ANKS1B: variants seen among roughly 807,000 people sequenced by gnomAD.
ANKS1B encodes the protein ankyrin repeat and sterile alpha motif domain-containing protein 1B.
A neutral mutation model predicts 148.3 loss-of-function variants in ANKS1B; 36 were observed. The observed-to-expected ratio is 0.24, with a 90% CI of 0.19 to 0.32. The LOEUF is 0.32. ANKS1B is among the 10% of genes least tolerant of loss of function. ANKS1B has a pLI of 1.00. For synonymous variants in ANKS1B, 542 were observed against 560.8 expected (o/e 0.97, Z 0.47); for missense variants, 1,157 against 1,542.6 (o/e 0.75, Z 4.19).
intron 17 of ANKS1B, among the ~76,000 whole-genome samples, chr12:99,033,305 A>T (rs1375204138): frequency 1.3e-5 from 2 of 152,226 alleles, no homozygotes; most frequent in Admixed American, 6.5e-5. Context: ...AGTAATCATT[A>T]TGCACTTTTA....
rs376900802 is a variant in ANKS1B at position 99,765,629 on chromosome 12, C to T, written c.1128+7293G>A. On this transcript the variant is annotated intron_variant, in intron 8 of 26. Coordinates refer to ENST00000683438, the MANE Select transcript of ANKS1B (RefSeq NM_001352186.2). ...CTATTCCTCCCTAACTTCTACAAAG[C>T]TGATTAGAATACATATGGCTTTTTC... Among the ~76,000 whole-genome samples, 37 of 152,234 alleles carry T rather than the reference C, an allele frequency of 2.4e-4. No homozygotes were observed. The South Asian group carries it at 7.7e-3, about 32-fold the overall frequency.
At chr12:99,433,142 T>C (rs2095406695) in intron 11 of ANKS1B, among the ~76,000 whole-genome samples, 1 of 152,284 alleles carries the variant, frequency 6.6e-6, no homozygotes, top group South Asian at 2.1e-4. Flanking sequence ...ATTCAAGATA[T>C]ATTTTTAAAG....
intron 17 of ANKS1B, among the ~76,000 whole-genome samples, chr12:98,859,858 C>G (rs1443043434): frequency 6.6e-6 from 1 of 152,288 alleles, no homozygotes; most frequent in East Asian, 1.9e-4. Flanking sequence ...ATATTTGAGT[C>G]AATACACTGA....
At chr12:99,082,518 T>C (rs2050159009) in intron 16 of ANKS1B, among the ~76,000 whole-genome samples, 1 of 152,114 alleles carries the variant, frequency 6.6e-6, no homozygotes, top group South Asian at 2.1e-4. Flanking sequence ...CTGATTTATA[T>C]TTTAGAAGGA....
chr12:99,716,671 C>CCTGA (rs1349307200), intron 8 of ANKS1B, among the ~76,000 whole-genome samples: 1 of 152,116 alleles, frequency 6.6e-6, no homozygotes, highest in African/African-American at 2.4e-5. Flanking sequence ...GTCTGAGGTG[C>CCTGA]CTGACATCCA....
At chr12:98,933,352 T>A (rs2099815455) in intron 17 of ANKS1B, among the ~76,000 whole-genome samples, 1 of 152,184 alleles carries the variant, frequency 6.6e-6, no homozygotes, top group African/African-American at 2.4e-5. Flanking sequence ...AGTATTCCAT[T>A]GTATGCAACT....
At chr12:98,875,914 C>CA (rs11398232) in intron 17 of ANKS1B, among the ~76,000 whole-genome samples, 152,272 of 152,272 alleles carry the variant, frequency 1, 76,136 homozygotes, top group Non-Finnish European at 1. Context: ...CTGGGGTGTG[C>CA]ACCTGTTGGC....
chr12:99,527,118 C>T (rs1182414382), intron 9 of ANKS1B, among the ~76,000 whole-genome samples: 3 of 152,058 alleles, frequency 2.0e-5, no homozygotes, highest in Non-Finnish European at 4.4e-5. Context: ...AACTTCTAGC[C>T]TTTAGAACTG....
At chr12:99,724,720 C>T (rs763605278) in intron 8 of ANKS1B, among the ~76,000 whole-genome samples, 1 of 151,600 alleles carries the variant, frequency 6.6e-6, no homozygotes, top group Admixed American at 6.6e-5. Flanking sequence ...TCTCCAAGGT[C>T]GAAAGGAAGG....
At chr12:99,680,683 AG>A (rs1399517376) in intron 8 of ANKS1B, among the ~76,000 whole-genome samples, 1 of 152,206 alleles carries the variant, frequency 6.6e-6, no homozygotes, top group Non-Finnish European at 1.5e-5. Context: ...TGCGGCAGGC[AG>A]GGAGGGGTGA....
chr12:99,411,962 T>C (rs1462751016), intron 11 of ANKS1B, among the ~76,000 whole-genome samples: 1 of 152,252 alleles, frequency 6.6e-6, no homozygotes, highest in African/African-American at 2.4e-5. Context: ...GGTCAGGCGC[T>C]GTTGTAGCCT....
chr12:99,815,105 C>T (rs781532183), intron 2 of ANKS1B, among the ~76,000 whole-genome samples: 4 of 151,510 alleles, frequency 2.6e-5, no homozygotes, highest in Non-Finnish European at 4.4e-5. Context: ...GGGGTAAAGA[C>T]GAAAAAAAGA....
At chr12:99,305,991 T>C (rs2082288656) in intron 12 of ANKS1B, among the ~76,000 whole-genome samples, 1 of 152,094 alleles carries the variant, frequency 6.6e-6, no homozygotes, top group Non-Finnish European at 1.5e-5. Context: ...TAACTACACT[T>C]TGGGGGATGC....
chr12:98,996,111 G>A (rs555318768), intron 17 of ANKS1B, among the ~76,000 whole-genome samples: 8 of 152,226 alleles, frequency 5.3e-5, no homozygotes, highest in African/African-American at 1.9e-4. Context: ...ATATTCAGAA[G>A]AATTTTGACT....
chr12:98,905,477 C>A (rs1420244632), intron 17 of ANKS1B, among the ~76,000 whole-genome samples: 2 of 152,138 alleles, frequency 1.3e-5, no homozygotes, highest in East Asian at 1.9e-4. Context: ...GGATGGTTAA[C>A]CCTCTCTCAG....
At chr12:99,430,883 T>C (rs2095358336) in intron 11 of ANKS1B, among the ~76,000 whole-genome samples, 1 of 152,190 alleles carries the variant, frequency 6.6e-6, no homozygotes, top group African/African-American at 2.4e-5. Context: ...CTCATGATGA[T>C]AATAAAAAGT....
At chr12:99,704,658 A>G (rs1390894203) in intron 8 of ANKS1B, among the ~76,000 whole-genome samples, 2 of 152,086 alleles carry the variant, frequency 1.3e-5, no homozygotes, top group South Asian at 2.1e-4. Flanking sequence ...GCTCCCTTGC[A>G]TCACAAAATG....
intron 1 of ANKS1B, among the ~76,000 whole-genome samples, chr12:99,831,713 T>C (rs888173442): frequency 6.6e-6 from 1 of 151,602 alleles, no homozygotes; most frequent in African/African-American, 2.4e-5. Flanking sequence ...CTCCTACTGA[T>C]CAGGGTTTTT....
chr12:99,428,541 A>C (rs922228248), intron 11 of ANKS1B, among the ~76,000 whole-genome samples: 7 of 152,236 alleles, frequency 4.6e-5, no homozygotes, highest in African/African-American at 1.7e-4. Flanking sequence ...GATCGAAATC[A>C]CATTACTTCT....
Sources: allele counts gnomAD v4.1 joint callset (sites outside exome capture counted in the v4.1 genomes callset), GRCh38; gene constraint gnomAD v4.1.1; transcripts MANE v1.5; gene names NCBI Gene and HGNC (gene_info 2026-07-23, HGNC 2026-07-21).